CALN1: variants seen among roughly 807,000 people sequenced by gnomAD.
CALN1 encodes calcium-binding protein 8.
Under a neutral mutation model 30.6 loss-of-function variants are expected in CALN1, and 17 were observed. The ratio of observed to expected loss-of-function variants is 0.56; its 90% confidence interval spans 0.38 to 0.83. CALN1 has a LOEUF of 0.83. CALN1 is among the 40% of genes least tolerant of loss of function. CALN1 has a pLI of 0.00. For missense variants in CALN1, 291 were observed against 354.9 expected (o/e 0.82, Z 1.45); for synonymous variants, 156 against 131.4 (o/e 1.19, Z -1.28).
chr7:72,001,076 T>C (rs1434083112), intron 5 of CALN1, among the ~76,000 whole-genome samples: 2 of 152,080 alleles, frequency 1.3e-5, no homozygotes, highest in Non-Finnish European at 2.9e-5. Context: ...TGGACTCATG[T>C]ATATGCACTA....
chr7:71,887,229 G>A (rs1792964776), intron 5 of CALN1, among the ~76,000 whole-genome samples: 1 of 152,116 alleles, frequency 6.6e-6, no homozygotes, highest in Non-Finnish European at 1.5e-5. Flanking sequence ...CAAGTGTTTG[G>A]GCTTGATCTG....
chr7:71,795,882 C>G (rs1453184884), intron 6 of CALN1, among the ~76,000 whole-genome samples: 2 of 146,622 alleles, frequency 1.4e-5, no homozygotes, highest in Non-Finnish European at 3.0e-5. Flanking sequence ...GCAGCGGCAC[C>G]ATCTCGGCTC....
chr7:71,840,205 G>C (rs1371944050), intron 5 of CALN1, among the ~76,000 whole-genome samples: 1 of 145,192 alleles, frequency 6.9e-6, no homozygotes, highest in Non-Finnish European at 1.6e-5. Context: ...GCTCACACCT[G>C]TAATCCCAAC....
rs867786297 is a variant in CALN1, at chr7:71,786,363, A to G, written c.*1412T>C. Reference sequence around the variant, plus strand: ...GGAAAAGTACAAAGGGAACTATTACATCTAGAGATTACTGGCTAATCTGAC... The same window carrying G: ...GGAAAAGTACAAAGGGAACTATTACGTCTAGAGATTACTGGCTAATCTGAC... On this transcript the variant is annotated 3_prime_UTR_variant, in exon 7 of 7. Transcript: ENST00000395275. 1 of 152,234 alleles carries G rather than the reference A, an allele frequency of 6.6e-6. No homozygotes were observed. Among genetic ancestry groups the G allele is most frequent in the Non-Finnish European group, 1.5e-5 (1 of 68,036 alleles). The allele number at this position is 152,234 out of a possible 1,614,324, so 9.4% of individuals were successfully genotyped here. A position where few individuals can be genotyped will look rare whatever the true frequency, so the allele number is the denominator to read the frequency against.
chr7:72,164,484 G>A (rs1257928375), intron 3 of CALN1, among the ~76,000 whole-genome samples: 1 of 152,060 alleles, frequency 6.6e-6, no homozygotes. Context: ...ACCACTAGAA[G>A]ACAGAAAGAG....
chr7:72,109,189 A>G (rs563045021), intron 3 of CALN1, among the ~76,000 whole-genome samples: 1 of 152,334 alleles, frequency 6.6e-6, no homozygotes, highest in Admixed American at 6.5e-5. Flanking sequence ...ATACTAATCC[A>G]GCATGCTGAA....
intron 5 of CALN1, among the ~76,000 whole-genome samples, chr7:71,984,861 G>A (rs541003681): frequency 2.0e-5 from 3 of 152,262 alleles, no homozygotes; most frequent in South Asian, 2.1e-4. Flanking sequence ...GCAGATTCAC[G>A]CAATTAAGTA....
chr7:72,488,829 A>G, the CALN1 span, among the ~76,000 whole-genome samples: 1 of 152,094 alleles, frequency 6.6e-6, no homozygotes, highest in African/African-American at 2.4e-5. Context: ...GACTGTAGGC[A>G]CATAGCACCA....
intron 2 of CALN1, among the ~76,000 whole-genome samples, chr7:72,355,489 G>A (rs2129559495): frequency 6.6e-6 from 1 of 152,250 alleles, no homozygotes; most frequent in African/African-American, 2.4e-5. Flanking sequence ...TTACACCACT[G>A]CACTCCAGCC....
intron 4 of CALN1, among the ~76,000 whole-genome samples, chr7:72,030,177 G>C (rs866102397): frequency 6.6e-6 from 1 of 152,178 alleles, no homozygotes; most frequent in African/African-American, 2.4e-5. Flanking sequence ...ATTTTGTCTT[G>C]AGCGTTAGAG....
chr7:72,448,105 C>T (rs929996792), upstream of CALN1, among the ~76,000 whole-genome samples: 4 of 152,158 alleles, frequency 2.6e-5, no homozygotes, highest in Non-Finnish European at 4.4e-5. Context: ...TACCCAGGTA[C>T]ACACATGTCT....
intron 5 of CALN1, among the ~76,000 whole-genome samples, chr7:71,905,686 A>G (rs918185867): frequency 5.3e-5 from 8 of 152,192 alleles, no homozygotes; most frequent in African/African-American, 1.9e-4. Flanking sequence ...ATGTCAGTAA[A>G]ATGTTTAGGA....
At chr7:72,502,081 GC>G in the CALN1 span, among the ~76,000 whole-genome samples, 1 of 148,302 alleles carries the variant, frequency 6.7e-6, no homozygotes, top group Non-Finnish European at 1.5e-5. Context: ...CTTTGCCAGT[GC>G]TAAGGGCCTC....
intron 3 of CALN1, among the ~76,000 whole-genome samples, chr7:72,163,118 T>C (rs754038684): frequency 3.3e-5 from 5 of 152,134 alleles, no homozygotes; most frequent in South Asian, 2.1e-4. Flanking sequence ...ATTACAGAGA[T>C]TGGCAAAACG....
At chr7:72,091,046 G>A (rs180941570) in intron 4 of CALN1, among the ~76,000 whole-genome samples, 5 of 152,196 alleles carry the variant, frequency 3.3e-5, no homozygotes, top group Admixed American at 2.6e-4. Context: ...GTAATTTACT[G>A]GCAGGGCGCG....
At chr7:72,141,530 T>C (rs977309704) in intron 3 of CALN1, among the ~76,000 whole-genome samples, 4 of 152,080 alleles carry the variant, frequency 2.6e-5, no homozygotes, top group African/African-American at 9.7e-5. Context: ...ACCTTTTGTG[T>C]CCGAGGGCTC....
chr7:72,409,594 G>A (rs930157331), intron 1 of CALN1, among the ~76,000 whole-genome samples: 3 of 151,948 alleles, frequency 2.0e-5, no homozygotes, highest in Non-Finnish European at 4.4e-5. Flanking sequence ...AGTCTTTCAT[G>A]GATTTGATCC....
intron 5 of CALN1, among the ~76,000 whole-genome samples, chr7:72,020,636 T>A (rs1225197727): frequency 6.6e-6 from 1 of 152,160 alleles, no homozygotes; most frequent in Admixed American, 6.5e-5. Context: ...CAGCATTGAT[T>A]TAAATATTTC....
intron 5 of CALN1, among the ~76,000 whole-genome samples, chr7:71,945,959 T>C (rs1796385992): frequency 6.6e-6 from 1 of 152,172 alleles, no homozygotes; most frequent in Non-Finnish European, 1.5e-5. Context: ...TCAGAGAAGT[T>C]AGGGCAGAGA....
Sources: gnomAD v4.1 joint callset for allele counts (sites outside exome capture counted in the v4.1 genomes callset) on GRCh38, gnomAD v4.1.1 for gene constraint, MANE v1.5 for transcripts, NCBI Gene and HGNC (gene_info 2026-07-23, HGNC 2026-07-21) for gene names.